The following PGM5 variants were observed in gnomAD, a reference collection of about 807,000 sequenced individuals.
The protein encoded by PGM5 is phosphoglucomutase-like protein 5.
A neutral mutation model predicts 59.2 loss-of-function variants in PGM5; 23 were observed. The ratio of observed to expected loss-of-function variants is 0.39; its 90% CI spans 0.28 to 0.55. The LOEUF is 0.55. Among genes scored for constraint, PGM5 ranks in the 20% least tolerant of loss-of-function variants. PGM5 has a pLI of 0.66. For missense variants in PGM5, 574 were observed against 748.3 expected, an observed-to-expected ratio of 0.77 and a Z score of 2.72; for synonymous variants, 214 against 286.0, an observed-to-expected ratio of 0.75 and a Z score of 2.54.
At chr9:68,501,143 C>T (rs782255247) in intron 10 of PGM5, among the ~76,000 whole-genome samples, 1 of 152,128 alleles carries the variant, frequency 6.6e-6, no homozygotes, top group Non-Finnish European at 1.5e-5. Flanking sequence ...CCTTCACTGA[C>T]GTTGCTGTTG....
Position 68,356,884 on chromosome 9 carries a change from G to A in PGM5, c.-244G>A, listed in dbSNP as rs536895251. ...GGTCTGGCAGCGGAGAAGGTGGGTG[G>A]GAGAAAACTTTACAGGAAGGCAGAA... On this transcript the variant is annotated 5_prime_UTR_variant, in exon 1 of 11. Transcript: ENST00000396396. The A allele has an allele frequency of 1.7e-4, 72 of 416,252 alleles. No individual in the cohort carries two copies. Among genetic ancestry groups the A allele is most frequent in the Non-Finnish European group, 2.8e-4 (66 of 238,132 alleles). 25.8% of individuals were successfully genotyped at this position (416,252 alleles called of 1,614,324 possible). A position where few individuals can be genotyped will look rare whatever the true frequency, so the allele number is the denominator to read the frequency against.
intron 1 of PGM5, among the ~76,000 whole-genome samples, chr9:68,376,475 CTGTGTGTGTGTGTGTGTGTG>C (rs71353047): frequency 1.0e-4 from 13 of 129,648 alleles, no homozygotes; most frequent in South Asian, 2.8e-4. Context: ...TGCTTTTGAG[CTGTGTGTGTGTGTGTGTGTG>C]TGTGTGTGTG....
intron 8 of PGM5, 47 bp from the exon 9 acceptor site, chr9:68,483,818 T>C: frequency 6.4e-7 from 1 of 1,574,794 alleles, no homozygotes; most frequent in Non-Finnish European, 8.7e-7. Flanking sequence ...GGCCACCCAG[T>C]TGCTGGTTCT....
intron 6 of PGM5, among the ~76,000 whole-genome samples, chr9:68,395,503 A>G (rs1822476138): frequency 6.6e-6 from 1 of 152,072 alleles, no homozygotes; most frequent in Admixed American, 6.6e-5. Flanking sequence ...TTTGATTGGG[A>G]TTATGTTGAA....
rs117826231 is a variant in PGM5 at position 68,466,058 on chromosome 9, C to G, written c.1159+850C>G. The G allele has an allele frequency of 6.8e-3, 6,352 of 939,434 alleles. 31 individuals carry two copies. Among genetic ancestry groups the G allele is most frequent in the Non-Finnish European group, 8.4e-3 (5,781 of 687,098 alleles). The allele number at this position is 939,434 out of a possible 1,614,324, so 58.2% of individuals were successfully genotyped here. A position where few individuals can be genotyped will look rare whatever the true frequency, so the allele number is the denominator to read the frequency against. Reference sequence around the variant, plus strand: ...TCCCCATTCTTTGTCTCTTGTCCTTCTGAGGCTCCAATTACACATGTGTTA... The same window carrying G: ...TCCCCATTCTTTGTCTCTTGTCCTTGTGAGGCTCCAATTACACATGTGTTA... On this transcript the variant is annotated intron_variant, in intron 7 of 10. Coordinates refer to ENST00000396396, the MANE Select transcript of PGM5 (RefSeq NM_021965.4).
chr9:68,468,213 T>C lies in PGM5; in HGVS notation c.1159+3005T>C, dbSNP rs184765108. ...ACTCCTCAAGAAGACCCGGTGTCTG[T>C]TGTTTCCTTCTTTGTGTTCATAAAT... is the stretch of plus-strand genomic sequence containing the variant. On this transcript the variant is annotated intron_variant, in intron 7 of 10. Coordinates refer to ENST00000396396, the MANE Select transcript of PGM5 (RefSeq NM_021965.4). Among the ~76,000 whole-genome samples the C allele has an allele frequency of 2.6e-5, 4 of 152,258 alleles. No homozygotes were observed. In the East Asian group the frequency reaches 5.8e-4, roughly 22 times the overall value.
chr9:68,497,053 T>C (rs1824493205), intron 9 of PGM5: 1 of 152,204 alleles, frequency 6.6e-6, no homozygotes, highest in Admixed American at 6.5e-5. Context: ...AACAAGGCTG[T>C]GAATATCAAT....
chr9:68,489,348 T>C (rs1824349306), intron 9 of PGM5, among the ~76,000 whole-genome samples: 1 of 152,202 alleles, frequency 6.6e-6, no homozygotes. Flanking sequence ...AAACTGGATT[T>C]GAAATGAGAA....
chr9:68,386,234 A>G (rs1822214254), intron 3 of PGM5, among the ~76,000 whole-genome samples: 1 of 151,974 alleles, frequency 6.6e-6, no homozygotes, highest in Non-Finnish European at 1.5e-5. Flanking sequence ...TTACAGATTA[A>G]TTTTTTTATG....
chr9:68,371,832 A>G (rs1821740830), intron 1 of PGM5: 1 of 152,204 alleles, frequency 6.6e-6, no homozygotes, highest in South Asian at 2.1e-4. Flanking sequence ...GGTGAACAGA[A>G]GAGAAGACAT....
At chr9:68,390,283 C>G (rs1446200832) in intron 4 of PGM5, among the ~76,000 whole-genome samples, 1 of 152,152 alleles carries the variant, frequency 6.6e-6, no homozygotes, top group Non-Finnish European at 1.5e-5. Flanking sequence ...ACAGGGAAGA[C>G]AGCTTTGCTT....
In PGM5 at chr9:68,529,607, C is replaced by G. The variant is rs746752336; in HGVS notation, c.1655C>G (p.Ser552Cys). The change falls in exon 11 of 11, where the codon TCC (serine) becomes TGC (cysteine). Residue 552 changes from serine to cysteine, a missense_variant. Ser to Cys is a moderately radical substitution (Grantham distance 112, BLOSUM62 -1). Transcript: ENST00000396396. ...SPLIAIALKI[S>C]QIHERTGRRG... Reference sequence around the variant, plus strand: ...CTCATAGCCATCGCACTGAAAATATCCCAGATTCATGAGAGAACTGGCCGG... The same window carrying G: ...CTCATAGCCATCGCACTGAAAATATGCCAGATTCATGAGAGAACTGGCCGG... 3 of 1,600,802 alleles carry G rather than the reference C, an allele frequency of 1.9e-6. No homozygotes were observed. In the South Asian group the frequency reaches 3.4e-5, roughly 18 times the overall value.
intron 10 of PGM5, among the ~76,000 whole-genome samples, chr9:68,517,901 G>A (rs1277420767): frequency 1.3e-5 from 2 of 152,182 alleles, no homozygotes; most frequent in East Asian, 3.8e-4. Context: ...TTGGCACTCA[G>A]GAAAATGAGC....
chr9:68,483,184 G>A (rs1216222966), intron 8 of PGM5, among the ~76,000 whole-genome samples: 2 of 152,102 alleles, frequency 1.3e-5, no homozygotes, highest in African/African-American at 4.8e-5. Flanking sequence ...TGGAGCTCAC[G>A]TTCTGGTGGC....
intron 1 of PGM5, among the ~76,000 whole-genome samples, chr9:68,372,163 A>G (rs1554677210): frequency 1.3e-5 from 2 of 152,070 alleles, no homozygotes; most frequent in African/African-American, 2.4e-5. Flanking sequence ...AAATTACCAC[A>G]TATTTGGTGG....
chr9:68,370,899 T>C (rs1204337292), intron 1 of PGM5, among the ~76,000 whole-genome samples: 2 of 152,208 alleles, frequency 1.3e-5, no homozygotes, highest in Non-Finnish European at 2.9e-5. Context: ...TTAGAAGTCA[T>C]GGCTAGGTAG....
At chr9:68,424,905 C>T (rs1317534213) in intron 6 of PGM5, among the ~76,000 whole-genome samples, 2 of 152,136 alleles carry the variant, frequency 1.3e-5, no homozygotes, top group Non-Finnish European at 2.9e-5. Context: ...ATTAGTTAGA[C>T]CTGTCTTCTG....
At chr9:68,522,820 T>C (rs928244730) in intron 10 of PGM5, among the ~76,000 whole-genome samples, 1 of 152,172 alleles carries the variant, frequency 6.6e-6, no homozygotes, top group African/African-American at 2.4e-5. Flanking sequence ...TTAGAGATAA[T>C]TGGGAGTCAT....
In PGM5 at chr9:68,356,736, G is replaced by A. The variant is rs1168393509; in HGVS notation, c.-392G>A. Among the ~76,000 whole-genome samples the A allele has an allele frequency of 1.3e-5, 2 of 152,228 alleles. No homozygotes were observed. The highest frequency in any genetic ancestry group is 2.9e-5 in the Non-Finnish European group (2 of 68,036). ...GCCCCGGAGGGCGGCGATCGCGGGTGAAGGCTGGGGCCAGGCGCGGGTGGA... is the reference window on the plus strand; with the variant it reads ...GCCCCGGAGGGCGGCGATCGCGGGTAAAGGCTGGGGCCAGGCGCGGGTGGA... On this transcript the variant is annotated 5_prime_UTR_variant, in exon 1 of 11. Transcript: ENST00000396396.
Sources: allele counts gnomAD v4.1 joint callset (sites outside exome capture counted in the v4.1 genomes callset), GRCh38; gene constraint gnomAD v4.1.1; transcripts MANE v1.5; gene names NCBI Gene and HGNC (gene_info 2026-07-23, HGNC 2026-07-21).